Variants in THEMIS observed in about 807,000 individuals in gnomAD.
The protein encoded by THEMIS is thymocyte selection associated.
A neutral mutation model predicts 52.6 loss-of-function variants in THEMIS; 37 were observed. The ratio of observed to expected loss-of-function variants is 0.70; its 90% confidence interval spans 0.54 to 0.93. The LOEUF is 0.93. Among genes scored for constraint, THEMIS ranks in the 40% least tolerant of loss-of-function variants. The pLI is 0.00. For synonymous variants in THEMIS, 292 were observed against 272.7 expected, an observed-to-expected ratio of 1.07 and a Z score of -0.70; for missense variants, 808 against 763.1, an observed-to-expected ratio of 1.06 and a Z score of -0.69.
chr6:127,734,358 T>C (rs964736645), intron 4 of THEMIS, among the ~76,000 whole-genome samples: 2 of 152,194 alleles, frequency 1.3e-5, no homozygotes, highest in African/African-American at 4.8e-5. Flanking sequence ...TTGTTTTGTT[T>C]TGTTTTCCAA....
At chr6:127,890,169 A>G (rs1190224845) in intron 1 of THEMIS, among the ~76,000 whole-genome samples, 1 of 152,170 alleles carries the variant, frequency 6.6e-6, no homozygotes, top group Non-Finnish European at 1.5e-5. Context: ...TTGATGAGGT[A>G]TCTTCAATAG....
intron 2 of THEMIS, among the ~76,000 whole-genome samples, chr6:127,842,982 A>T (rs150012046): frequency 5.5e-4 from 84 of 152,154 alleles, no homozygotes; most frequent in African/African-American, 1.9e-3. Flanking sequence ...TGGCTACTTA[A>T]GAGTTTCCTG....
chr6:127,855,220 T>TA, intron 1 of THEMIS, 32 bp from the exon 2 acceptor site: 1 of 1,541,204 alleles, frequency 6.5e-7, no homozygotes, highest in Non-Finnish European at 8.7e-7. Context: ...AACAGCTTTT[T>TA]AAAAAGAAAA....
intron 1 of THEMIS, among the ~76,000 whole-genome samples, chr6:127,898,862 C>T (rs375242070): frequency 6.6e-6 from 1 of 151,692 alleles, no homozygotes; most frequent in Non-Finnish European, 1.5e-5. Context: ...TGAAATAAGC[C>T]AGGCACAGAA....
intron 5 of THEMIS, among the ~76,000 whole-genome samples, chr6:127,715,946 A>G (rs780593687): frequency 2.3e-4 from 35 of 151,860 alleles, no homozygotes; most frequent in Non-Finnish European, 4.6e-4. Context: ...CTATGCATCT[A>G]GGTTGTGGCA....
intron 1 of THEMIS, among the ~76,000 whole-genome samples, chr6:127,917,577 T>C (rs983838675): frequency 3.3e-5 from 5 of 152,208 alleles, no homozygotes; most frequent in Admixed American, 2.0e-4. Context: ...TTTTAATCTA[T>C]CTGCCCAGCT....
At chr6:127,824,339 C>A (rs1475485091) in intron 3 of THEMIS, among the ~76,000 whole-genome samples, 1 of 152,050 alleles carries the variant, frequency 6.6e-6, no homozygotes, top group Non-Finnish European at 1.5e-5. Flanking sequence ...GTTTCATAAT[C>A]CCCAGAAGAT....
chr6:127,751,448 A>C (rs2114338328), intron 4 of THEMIS, among the ~76,000 whole-genome samples: 1 of 151,904 alleles, frequency 6.6e-6, no homozygotes, highest in African/African-American at 2.4e-5. Context: ...AGAAGAACTC[A>C]CTTCAGCTTT....
chr6:127,796,336 A>G (rs1387553800), intron 4 of THEMIS, among the ~76,000 whole-genome samples: 2 of 152,212 alleles, frequency 1.3e-5, no homozygotes, highest in African/African-American at 4.8e-5. Flanking sequence ...CCTAGCCATT[A>G]TCACCAAACC....
chr6:127,805,301 C>G (rs1777663590), intron 4 of THEMIS, among the ~76,000 whole-genome samples: 1 of 152,006 alleles, frequency 6.6e-6, no homozygotes, highest in African/African-American at 2.4e-5. Flanking sequence ...AGAAGTGTAT[C>G]TTAATTAAGT....
intron 4 of THEMIS, among the ~76,000 whole-genome samples, chr6:127,790,365 T>A (rs1777116394): frequency 6.6e-6 from 1 of 152,176 alleles, no homozygotes. Flanking sequence ...AAAATGCACT[T>A]TCTTCTAAAC....
chr6:127,876,142 T>C (rs1480474708), intron 1 of THEMIS, among the ~76,000 whole-genome samples: 1 of 152,184 alleles, frequency 6.6e-6, no homozygotes, highest in African/African-American at 2.4e-5. Flanking sequence ...AAATTTTTCC[T>C]CAGTTGTCAC....
At chr6:127,852,272 A>G (rs992497874) in intron 2 of THEMIS, among the ~76,000 whole-genome samples, 3 of 151,608 alleles carry the variant, frequency 2.0e-5, no homozygotes, top group African/African-American at 7.2e-5. Flanking sequence ...AAGGGAAAAT[A>G]AACAATTCAA....
intron 1 of THEMIS, among the ~76,000 whole-genome samples, chr6:127,916,623 C>T (rs1314996291): frequency 6.6e-6 from 1 of 152,190 alleles, no homozygotes; most frequent in Admixed American, 6.5e-5. Flanking sequence ...AGAATTTATT[C>T]ATTTCAGTGG....
At chr6:127,727,307 A>G (rs1774583755) in intron 4 of THEMIS, among the ~76,000 whole-genome samples, 1 of 152,212 alleles carries the variant, frequency 6.6e-6, no homozygotes, top group African/African-American at 2.4e-5. Flanking sequence ...GGGCAGGAAA[A>G]TTAATCTTAT....
chr6:127,793,899 C>T (rs1490797699), intron 4 of THEMIS, among the ~76,000 whole-genome samples: 2 of 152,166 alleles, frequency 1.3e-5, no homozygotes, highest in East Asian at 3.9e-4. Flanking sequence ...ACCATATTCT[C>T]CAAATTTCCA....
chr6:127,795,944 G>A (rs1474394613), intron 4 of THEMIS, among the ~76,000 whole-genome samples: 3 of 152,122 alleles, frequency 2.0e-5, no homozygotes, highest in East Asian at 1.9e-4. Context: ...GTAAAGGATT[G>A]TTTAGTCAAT....
At chr6:127,864,751 C>T (rs147767400) in intron 1 of THEMIS, among the ~76,000 whole-genome samples, 11 of 152,270 alleles carry the variant, frequency 7.2e-5, no homozygotes, top group Middle Eastern at 3.4e-3. Flanking sequence ...CTTACCTGAA[C>T]GTCCAGCAAA....
intron 2 of THEMIS, among the ~76,000 whole-genome samples, chr6:127,848,737 C>T (rs958336244): frequency 6.6e-6 from 1 of 152,112 alleles, no homozygotes; most frequent in African/African-American, 2.4e-5. Context: ...TGAGAAGTGT[C>T]TGTTCATATC....
Sources: gnomAD v4.1 joint callset for allele counts (sites outside exome capture counted in the v4.1 genomes callset) on GRCh38, gnomAD v4.1.1 for gene constraint, MANE v1.5 for transcripts, NCBI Gene and HGNC (gene_info 2026-07-23, HGNC 2026-07-21) for gene names.